The following TIFA variants were observed in gnomAD, a reference collection of about 807,000 sequenced individuals.
The protein encoded by TIFA is TRAF-interacting protein with FHA domain-containing protein A.
For synonymous variants in TIFA, 75 were observed against 79.2 expected (o/e 0.95, Z 0.28); for missense variants, 186 against 215.2 (o/e 0.86, Z 0.85).
chr4:112,282,694 G>A (rs550379550), intron 1 of TIFA, among the ~76,000 whole-genome samples: 1 of 152,278 alleles, frequency 6.6e-6, no homozygotes, highest in Admixed American at 6.5e-5. Context: ...AGGAGGGCAT[G>A]GTGAGAGTAT....
intron 1 of TIFA, among the ~76,000 whole-genome samples, chr4:112,280,343 C>CTTTTTTTTTTTTTTTTTTTTTTT (rs34544244): frequency 2.6e-5 from 2 of 76,758 alleles, no homozygotes; most frequent in Non-Finnish European, 4.6e-5. Context: ...CTGGCATTTC[C>CTTTTTTTTTTTTTTTTTTTTTTT]TTTTTTTTTT....
chr4:112,279,376 T>C (rs1436114671), intron 1 of TIFA, among the ~76,000 whole-genome samples: 1 of 152,230 alleles, frequency 6.6e-6, no homozygotes, highest in African/African-American at 2.4e-5. Flanking sequence ...AGAATTGCCA[T>C]TTTAAAACTA....
At chr4:112,284,231 G>A (rs1398207464) in intron 1 of TIFA, among the ~76,000 whole-genome samples, 2 of 151,826 alleles carry the variant, frequency 1.3e-5, no homozygotes, top group South Asian at 2.1e-4. Flanking sequence ...GAATGGATAC[G>A]TGTAGAGGTG....
intron 1 of TIFA, among the ~76,000 whole-genome samples, chr4:112,283,534 T>C (rs1264143681): frequency 6.6e-6 from 1 of 152,212 alleles, no homozygotes; most frequent in African/African-American, 2.4e-5. Context: ...CTGAACACTC[T>C]GACATTTCAG....
At chr4:112,280,171 A>G (rs1727200670) in intron 1 of TIFA, among the ~76,000 whole-genome samples, 1 of 152,048 alleles carries the variant, frequency 6.6e-6, no homozygotes. Flanking sequence ...GTCTGCTTAT[A>G]CTGATTTGGG....
chr4:112,282,084 T>C lies in TIFA; in HGVS notation c.-19+3556A>G, dbSNP rs145326367. ...GAATCATGGGGATAGGTCTTTCCCA[T>C]GCTGTTCTTGTGATAGTGAATAAGT... On this transcript the variant is annotated intron_variant, in intron 1 of 1. Transcript: ENST00000361717. 2.3e-3 allele frequency among the ~76,000 whole-genome samples: 346 copies of C among 152,314 alleles called. 2 individuals are homozygous for C. Among genetic ancestry groups the C allele is most frequent in the African/African-American group, 7.9e-3 (328 of 41,566 alleles).
intron 1 of TIFA, among the ~76,000 whole-genome samples, chr4:112,284,458 G>A (rs1727281929): frequency 1.3e-5 from 2 of 152,190 alleles, no homozygotes; most frequent in African/African-American, 2.4e-5. Flanking sequence ...TGTCTAAGCA[G>A]TTTAACAGAA....
chr4:112,278,338 G>T lies in TIFA; in HGVS notation c.79C>A (p.Gln27Lys). 5 of 1,612,732 alleles carry T rather than the reference G, an allele frequency of 3.1e-6. No homozygotes were observed. The highest frequency in any genetic ancestry group is 4.2e-6 in the Non-Finnish European group (5 of 1,179,462). Reference protein sequence around the residue: ...QMTVYHPGQLQCGIFQSISFN... With the variant: ...QMTVYHPGQLKCGIFQSISFN... ...CTTATTGACTGAAATATTCCACACTGCAACTGGCCAGGATGGTAAACCGTC... is the reference window on the plus strand; with the variant it reads ...CTTATTGACTGAAATATTCCACACTTCAACTGGCCAGGATGGTAAACCGTC... The change falls in exon 2 of 2, where the codon CAG (glutamine) becomes AAG (lysine). Residue 27 changes from glutamine to lysine, a missense_variant. Physicochemically the swap from Gln to Lys is moderately conservative, Grantham distance 53. Transcript: ENST00000361717.
At position 112,277,106 on chromosome 4, in the gene TIFA, T is replaced by C. The variant is rs981449906; in HGVS notation, c.*756A>G. 4.6e-5 allele frequency: 7 copies of C among 152,212 alleles called. No individual in the cohort carries two copies. Among genetic ancestry groups the C allele is most frequent in the Non-Finnish European group, 1.0e-4 (7 of 68,026 alleles). 9.4% of individuals were successfully genotyped at this position (152,212 alleles called of 1,614,324 possible). A position where few individuals can be genotyped will look rare whatever the true frequency, so the allele number is the denominator to read the frequency against. ...ATGGCTAATTAAACTTTGATTTTAT[T>C]ATGTACATGGATACTATTAAAAAGG... is the stretch of plus-strand genomic sequence containing the variant. On this transcript the variant is annotated 3_prime_UTR_variant, in exon 2 of 2. Coordinates refer to ENST00000361717, the MANE Select transcript of TIFA (RefSeq NM_052864.3).
chr4:112,280,499 G>C (rs1314544998), intron 1 of TIFA, among the ~76,000 whole-genome samples: 1 of 151,660 alleles, frequency 6.6e-6, no homozygotes, highest in Non-Finnish European at 1.5e-5. Flanking sequence ...ACAAGTGTGC[G>C]CCACCACTCC....
rs939923556 is a variant in TIFA at position 112,275,603 on chromosome 4, G to A, written c.*2259C>T. On this transcript the variant is annotated 3_prime_UTR_variant, in exon 2 of 2. Transcript: ENST00000361717. ...CTTTTAGCAACCCACTCTCTCCTTTGCCAATCTTTGAAGAAAAGAAAATAG... is the reference window on the plus strand; with the variant it reads ...CTTTTAGCAACCCACTCTCTCCTTTACCAATCTTTGAAGAAAAGAAAATAG... 6 of 152,066 alleles carry A rather than the reference G, an allele frequency of 3.9e-5. No homozygotes were observed. The highest frequency in any genetic ancestry group is 1.2e-4 in the African/African-American group (5 of 41,414). The allele number at this position is 152,066 out of a possible 1,614,324, so 9.4% of individuals were successfully genotyped here. A position where few individuals can be genotyped will look rare whatever the true frequency, so the allele number is the denominator to read the frequency against.
In TIFA at chr4:112,283,754, A is replaced by G. The variant is rs909864115; in HGVS notation, c.-19+1886T>C. 2.0e-5 allele frequency among the ~76,000 whole-genome samples: 3 copies of G among 152,198 alleles called. No homozygotes were observed. In the East Asian group the frequency reaches 5.8e-4, roughly 29 times the overall value. ...TGGAGACAGAAACTGGGGGCCCAGGATAGGAAGGAGACTTACTCTCCACTG... is the reference window on the plus strand; with the variant it reads ...TGGAGACAGAAACTGGGGGCCCAGGGTAGGAAGGAGACTTACTCTCCACTG... On this transcript the variant is annotated intron_variant, in intron 1 of 1. Coordinates refer to ENST00000361717, the MANE Select transcript of TIFA (RefSeq NM_052864.3).
chr4:112,283,950 G>T (rs574507487), intron 1 of TIFA, among the ~76,000 whole-genome samples: 136 of 152,264 alleles, frequency 8.9e-4, no homozygotes, highest in Admixed American at 1.4e-3. Context: ...TATCTGACAT[G>T]GAAAAGTTGT....
chr4:112,285,176 G>A (rs1373517342), intron 1 of TIFA, among the ~76,000 whole-genome samples: 1 of 152,046 alleles, frequency 6.6e-6, no homozygotes, highest in Non-Finnish European at 1.5e-5. Flanking sequence ...GAAGCAAGGA[G>A]TCAGGTCTAG....
chr4:112,277,863 C>T lies in TIFA; in HGVS notation c.554G>A (p.Ter185=). The T allele has an allele frequency of 6.3e-7, 1 of 1,589,788 alleles. No homozygotes were observed. Among genetic ancestry groups the T allele is most frequent in the South Asian group, 1.2e-5 (1 of 86,754 alleles). Reference sequence around the variant, plus strand: ...TTTCTCCTCTTAGACTTTCTGTGTTCATGACTCATTTTCATCCATTTCTGT... The same window carrying T: ...TTTCTCCTCTTAGACTTTCTGTGTTTATGACTCATTTTCATCCATTTCTGT... ...SPTEMDENES[*] The change falls in exon 2 of 2, where the codon TGA becomes TAA. Residue 185 remains the stop codon, a stop_retained_variant. Transcript: ENST00000361717.
chr4:112,284,302 C>T (rs948789741), intron 1 of TIFA, among the ~76,000 whole-genome samples: 1 of 152,014 alleles, frequency 6.6e-6, no homozygotes, highest in African/African-American at 2.4e-5. Context: ...CACACACACA[C>T]ACACACACAC....
Position 112,277,929 on chromosome 4 carries a change from T to G in TIFA, c.488A>C (p.Tyr163Ser). The change falls in exon 2 of 2, where the codon TAT becomes TCT. Residue 163 changes from tyrosine (Y) to serine (S), a missense_variant. By Grantham distance (144) the Tyr-to-Ser change is moderately radical (BLOSUM62 -2). Transcript: ENST00000361717. ...NWPPHRPIPE[Y>S]GTYSLCSSQS... ...GGAGGAGCAGAGCGAATAAGTGCCA[T>G]ACTCCGGTATGGGCCTGTGTGGTGG... 6.2e-7 allele frequency: 1 copy of G among 1,613,860 alleles called. No homozygotes were observed.
Position 112,275,006 on chromosome 4 carries a change from G to C in TIFA, c.*2856C>G, listed in dbSNP as rs562965143. On this transcript the variant is annotated 3_prime_UTR_variant, in exon 2 of 2. Transcript: ENST00000361717. ...AGAAAAATCACTTTCCAGGGACAAA[G>C]AAGTCCTTAAAGTGTATATGGAAGG... is the stretch of plus-strand genomic sequence containing the variant. 6.6e-6 allele frequency: 1 copy of C among 152,256 alleles called. No homozygotes were observed. Among genetic ancestry groups the C allele is most frequent in the African/African-American group, 2.4e-5 (1 of 41,542 alleles). 9.4% of individuals were successfully genotyped at this position (152,256 alleles called of 1,614,324 possible).
At chr4:112,279,071 A>G (rs1355484184) in intron 1 of TIFA, among the ~76,000 whole-genome samples, 1 of 152,230 alleles carries the variant, frequency 6.6e-6, no homozygotes, top group East Asian at 1.9e-4. Context: ...AATTTTAGAC[A>G]TTACTTTTAA....
Sources: gnomAD v4.1 joint callset for allele counts (sites outside exome capture counted in the v4.1 genomes callset) on GRCh38, gnomAD v4.1.1 for gene constraint, MANE v1.5 for transcripts, NCBI Gene and HGNC (gene_info 2026-07-23, HGNC 2026-07-21) for gene names.